Variants in RHOT1 observed in about 807,000 individuals in gnomAD.
The protein encoded by RHOT1 is ras homolog family member T1.
RHOT1 carries 27 observed loss-of-function variants against 95.3 expected under a neutral mutation model. The observed-to-expected ratio is 0.28, with a 90% CI of 0.21 to 0.39. The LOEUF is 0.39. Among genes scored for constraint, RHOT1 ranks in the 10% least tolerant of loss-of-function variants. The pLI, the probability that RHOT1 is intolerant of heterozygous loss-of-function variation, is 1.00. For missense variants in RHOT1, 578 were observed against 786.7 expected (o/e 0.73, Z 3.17); for synonymous variants, 227 against 263.5 (o/e 0.86, Z 1.34).
At chr17:32,195,688 A>T (rs2036831420) in intron 11 of RHOT1, among the ~76,000 whole-genome samples, 1 of 152,282 alleles carries the variant, frequency 6.6e-6, no homozygotes, top group South Asian at 2.1e-4. Context: ...GTTGCTTTTT[A>T]CTTCTCCGTT....
intron 4 of RHOT1, among the ~76,000 whole-genome samples, 186 bp downstream of exon 4, chr17:32,175,548 G>A (rs1361030836): frequency 6.6e-6 from 1 of 151,900 alleles, no homozygotes; most frequent in Non-Finnish European, 1.5e-5. Flanking sequence ...CCTCCATCTC[G>A]CAGGCTCAAG....
chr17:32,220,218 C>T (rs1447973128), intron 19 of RHOT1, among the ~76,000 whole-genome samples: 2 of 151,884 alleles, frequency 1.3e-5, no homozygotes, highest in Non-Finnish European at 2.9e-5. Flanking sequence ...GAAAATTATC[C>T]AGGCATGATG....
intron 1 of RHOT1, among the ~76,000 whole-genome samples, chr17:32,168,603 A>G (rs1395567174): frequency 6.7e-6 from 1 of 148,900 alleles, no homozygotes; most frequent in Non-Finnish European, 1.5e-5. Context: ...AAACACATAT[A>G]TGTAATATAT....
intron 19 of RHOT1, chr17:32,220,931 AT>A: frequency 2.7e-6 from 1 of 367,680 alleles, no homozygotes; most frequent in Non-Finnish European, 3.8e-6. Context: ...GCTTTTTTAT[AT>A]TTGAAAATAA....
chr17:32,142,703 A>G lies in RHOT1; in HGVS notation c.11A>G (p.Asp4Gly). ...CCGAGAGCCGCCGACATGAAGAAAG[A>G]CGTGCGGATCCTGCTGGTGGGAGAA... MKK[D>G]VRILLVGEPR... The change falls in exon 1 of 20, where the codon GAC becomes GGC. Residue 4 changes from aspartate to glycine, a missense_variant. By Grantham distance (94) the Asp-to-Gly change is moderately conservative (BLOSUM62 -1). Transcript: ENST00000545287. The G allele has an allele frequency of 6.5e-7, 1 of 1,529,822 alleles. No individual in the cohort carries two copies. The highest frequency in any genetic ancestry group is 8.8e-7 in the Non-Finnish European group (1 of 1,139,178). 94.8% of individuals were successfully genotyped at this position (1,529,822 alleles called of 1,614,324 possible).
intron 11 of RHOT1, among the ~76,000 whole-genome samples, chr17:32,195,231 G>T (rs1006026093): frequency 2.0e-5 from 3 of 151,892 alleles, no homozygotes; most frequent in African/African-American, 7.3e-5. Flanking sequence ...AAATAGCTGG[G>T]ACTATAGGTG....
intron 19 of RHOT1, among the ~76,000 whole-genome samples, chr17:32,215,997 C>T (rs186835527): frequency 1.1e-4 from 16 of 152,098 alleles, no homozygotes; most frequent in African/African-American, 3.6e-4. Context: ...GTATAAATTA[C>T]GTTACTGGAG....
chr17:32,208,789 GTTGTAA>G (rs1295693197), intron 18 of RHOT1: 2 of 157,686 alleles, frequency 1.3e-5, no homozygotes, highest in African/African-American at 2.4e-5. Flanking sequence ...GTAAAGAGTA[GTTGTAA>G]TTGGAATTTC....
chr17:32,183,805 C>T (rs2035825452), intron 8 of RHOT1, among the ~76,000 whole-genome samples: 1 of 152,218 alleles, frequency 6.6e-6, no homozygotes, highest in African/African-American at 2.4e-5. Context: ...ATGCCTCAGC[C>T]TGCCAAAGTG....
At chr17:32,158,932 G>T (rs191812405) in intron 1 of RHOT1, among the ~76,000 whole-genome samples, 1 of 152,188 alleles carries the variant, frequency 6.6e-6, no homozygotes, top group African/African-American at 2.4e-5. Flanking sequence ...AGGCGCAAGC[G>T]GTGGCAGCAG....
intron 1 of RHOT1, among the ~76,000 whole-genome samples, chr17:32,156,858 T>TATAA (rs774267689): frequency 2.6e-5 from 4 of 152,266 alleles, no homozygotes; most frequent in Non-Finnish European, 5.9e-5. Flanking sequence ...TCATGACATT[T>TATAA]ACCATTTGTG....
At chr17:32,222,370 T>G (rs2038888090) in intron 19 of RHOT1, among the ~76,000 whole-genome samples, 1 of 152,262 alleles carries the variant, frequency 6.6e-6, no homozygotes, top group South Asian at 2.1e-4. Context: ...CGACTAATCG[T>G]TGTTAACCTC....
At chr17:32,149,635 A>ATATATATATATATATATGTGTGTGTGTG in intron 1 of RHOT1, among the ~76,000 whole-genome samples, 1 of 59,100 alleles carries the variant, frequency 1.7e-5, no homozygotes, top group South Asian at 8.7e-4. Flanking sequence ...ATATATATAT[A>ATATATATATATATATATGTGTGTGTGTG]TGTGTGTGTG....
chr17:32,161,802 C>G (rs2033583848), intron 1 of RHOT1, among the ~76,000 whole-genome samples: 1 of 152,196 alleles, frequency 6.6e-6, no homozygotes, highest in South Asian at 2.1e-4. Flanking sequence ...GCACTTTGGC[C>G]TGACCAACCA....
chr17:32,185,822 GC>G (rs2036005004), intron 8 of RHOT1, among the ~76,000 whole-genome samples: 1 of 147,660 alleles, frequency 6.8e-6, no homozygotes, highest in South Asian at 2.2e-4. Context: ...CAAGGCTCAG[GC>G]CATCCTCCCA....
At chr17:32,199,885 A>G (rs976573116) in intron 13 of RHOT1, among the ~76,000 whole-genome samples, 5 of 151,238 alleles carry the variant, frequency 3.3e-5, no homozygotes, top group Admixed American at 2.6e-4. Context: ...GGGGTGAAGC[A>G]TATTTTACTT....
chr17:32,152,839 G>T (rs143369362), intron 1 of RHOT1, among the ~76,000 whole-genome samples: 2 of 151,096 alleles, frequency 1.3e-5, no homozygotes, highest in Non-Finnish European at 2.9e-5. Flanking sequence ...GGCCTCACTC[G>T]GTTGTCCAGG....
intron 8 of RHOT1, among the ~76,000 whole-genome samples, chr17:32,186,619 C>A (rs977134400): frequency 1.3e-5 from 2 of 152,046 alleles, no homozygotes; most frequent in African/African-American, 4.8e-5. Context: ...CCCGCCTCGG[C>A]CCCCCAAAGT....
chr17:32,172,358 G>A (rs1274995373), intron 2 of RHOT1, among the ~76,000 whole-genome samples: 1 of 152,148 alleles, frequency 6.6e-6, no homozygotes, highest in African/African-American at 2.4e-5. Context: ...ACACCTAAAA[G>A]TTTTCTGTGA....
Sources: gnomAD v4.1 joint callset for allele counts (sites outside exome capture counted in the v4.1 genomes callset) on GRCh38, gnomAD v4.1.1 for gene constraint, MANE v1.5 for transcripts, NCBI Gene and HGNC (gene_info 2026-07-23, HGNC 2026-07-21) for gene names.